ZBBX: variants seen among roughly 807,000 people sequenced by gnomAD.
ZBBX encodes zinc finger B-box domain-containing protein 1.
In ZBBX, 101 loss-of-function variants were observed where a neutral mutation model predicts 108.5. That is an observed-to-expected ratio of 0.93 (90% confidence interval 0.79 to 1.10). The LOEUF is 1.10. Ranked by LOEUF, ZBBX falls within the 50% of genes least tolerant of loss-of-function variation. The pLI, the probability that ZBBX is intolerant of heterozygous loss-of-function variation, is 0.00. For missense variants in ZBBX, 1,009 were observed against 941.4 expected, an observed-to-expected ratio of 1.07 and a Z score of -0.94; for synonymous variants, 356 against 323.4, an observed-to-expected ratio of 1.10 and a Z score of -1.08.
At chr3:167,241,526 T>C (rs1192650972) in intron 21 of ZBBX, among the ~76,000 whole-genome samples, 1 of 152,168 alleles carries the variant, frequency 6.6e-6, no homozygotes, top group Non-Finnish European at 1.5e-5. Flanking sequence ...TTTTTAATGA[T>C]TTATCTAAGG....
At chr3:167,217,683 T>C in the ZBBX span, among the ~76,000 whole-genome samples, 1 of 152,080 alleles carries the variant, frequency 6.6e-6, no homozygotes, top group Non-Finnish European at 1.5e-5. Context: ...TGCAGCACTA[T>C]TCACAATAGC....
chr3:167,330,215 T>G (rs1442377929), intron 10 of ZBBX, among the ~76,000 whole-genome samples: 1 of 151,914 alleles, frequency 6.6e-6, no homozygotes, highest in East Asian at 1.9e-4. Flanking sequence ...TGAAAAAAAA[T>G]GCAGAGCAAA....
At chr3:167,311,464 T>C (rs1358989209) in intron 16 of ZBBX, among the ~76,000 whole-genome samples, 1 of 152,092 alleles carries the variant, frequency 6.6e-6, no homozygotes. Context: ...TAAAAGCTTA[T>C]ACACTATGAA....
intron 11 of ZBBX, 90 bp from the exon 12 acceptor site, chr3:167,322,327 G>T: frequency 8.9e-7 from 1 of 1,128,030 alleles, no homozygotes; most frequent in Non-Finnish European, 1.2e-6. Flanking sequence ...CATCATTTTT[G>T]GGGCATATAT....
intron 9 of ZBBX, among the ~76,000 whole-genome samples, chr3:167,336,680 G>A (rs1739607681): frequency 1.3e-5 from 2 of 152,056 alleles, no homozygotes; most frequent in Non-Finnish European, 2.9e-5. Context: ...CAGAAAATGT[G>A]TTTTACCTTT....
intron 18 of ZBBX, among the ~76,000 whole-genome samples, chr3:167,289,201 A>C (rs1160906109): frequency 6.6e-6 from 1 of 152,198 alleles, no homozygotes; most frequent in Non-Finnish European, 1.5e-5. Flanking sequence ...ACAATGCAAC[A>C]TAAAGTATAA....
chr3:167,264,739 C>A (rs1314076742), intron 20 of ZBBX, among the ~76,000 whole-genome samples: 14 of 152,206 alleles, frequency 9.2e-5, no homozygotes, highest in Admixed American at 9.2e-4. Context: ...ACAATCTCAG[C>A]AGTTTACCTG....
At chr3:167,381,601 G>A (rs1047409149), upstream of ZBBX, among the ~76,000 whole-genome samples, 11 of 152,070 alleles carry the variant, frequency 7.2e-5, no homozygotes, top group Non-Finnish European at 1.5e-4. Context: ...GTGGATGTGC[G>A]ATACTACTGG....
intron 9 of ZBBX, 58 bp downstream of exon 9, chr3:167,350,362 C>T: frequency 1.5e-6 from 2 of 1,358,328 alleles, no homozygotes; most frequent in Non-Finnish European, 2.0e-6. Flanking sequence ...TTTTAAATGT[C>T]TTTATGTGGA....
chr3:167,259,254 C>T (rs777234391), intron 20 of ZBBX, among the ~76,000 whole-genome samples: 8 of 151,982 alleles, frequency 5.3e-5, no homozygotes, highest in African/African-American at 7.2e-5. Context: ...CTAGTTTATG[C>T]GGGTAAAGCT....
the ZBBX span, among the ~76,000 whole-genome samples, chr3:167,183,246 C>T: frequency 6.6e-6 from 1 of 152,186 alleles, no homozygotes; most frequent in African/African-American, 2.4e-5. Flanking sequence ...CAAGGTGGAA[C>T]CAACCAGAGC....
At chr3:167,247,257 A>T (rs1721732593) in intron 20 of ZBBX, among the ~76,000 whole-genome samples, 1 of 152,140 alleles carries the variant, frequency 6.6e-6, no homozygotes, top group Admixed American at 6.5e-5. Context: ...ACGTCAAGCG[A>T]TCATGCTGGC....
chr3:167,258,057 G>T (rs1035531128), intron 20 of ZBBX, among the ~76,000 whole-genome samples: 1 of 151,962 alleles, frequency 6.6e-6, no homozygotes, highest in Non-Finnish European at 1.5e-5. Context: ...TTGGGTTCTT[G>T]GTCATGAAAT....
At chr3:167,334,957 G>A (rs1457689728) in intron 9 of ZBBX, among the ~76,000 whole-genome samples, 1 of 151,972 alleles carries the variant, frequency 6.6e-6, no homozygotes, top group Non-Finnish European at 1.5e-5. Flanking sequence ...TACTAGGGAG[G>A]CTTTCTCTCC....
chr3:167,187,421 A>G, the ZBBX span, among the ~76,000 whole-genome samples: 1 of 152,192 alleles, frequency 6.6e-6, no homozygotes, highest in South Asian at 2.1e-4. Context: ...CAATTCTGCT[A>G]ATGCCAGATA....
intron 11 of ZBBX, among the ~76,000 whole-genome samples, chr3:167,325,215 G>A (rs1010420562): frequency 5.9e-5 from 9 of 152,036 alleles, no homozygotes; most frequent in Admixed American, 2.0e-4. Flanking sequence ...CTGTTCTCAC[G>A]CTGCTAATGA....
chr3:167,304,399 C>A (rs549285212), intron 17 of ZBBX, among the ~76,000 whole-genome samples: 1 of 152,128 alleles, frequency 6.6e-6, no homozygotes, highest in African/African-American at 2.4e-5. Context: ...GTTTTCTCTG[C>A]TGAAATGCAT....
At chr3:167,214,755 G>T in the ZBBX span, among the ~76,000 whole-genome samples, 3 of 152,162 alleles carry the variant, frequency 2.0e-5, no homozygotes, top group Admixed American at 2.0e-4. Context: ...AAAATCCTCA[G>T]CAAATGTAAA....
intron 20 of ZBBX, among the ~76,000 whole-genome samples, chr3:167,276,221 A>G (rs1170258422): frequency 6.6e-6 from 1 of 152,238 alleles, no homozygotes; most frequent in Non-Finnish European, 1.5e-5. Context: ...CTCACCAGCA[A>G]CGGAACAAAG....
Sources: allele counts gnomAD v4.1 joint callset (sites outside exome capture counted in the v4.1 genomes callset), GRCh38; gene constraint gnomAD v4.1.1; transcripts MANE v1.5; gene names NCBI Gene and HGNC (gene_info 2026-07-23, HGNC 2026-07-21).